ZNF536: variants seen among roughly 807,000 people sequenced by gnomAD.
ZNF536 encodes zinc finger protein 536.
ZNF536 carries 13 observed loss-of-function variants against 84.5 expected under a neutral mutation model. The observed-to-expected ratio is 0.15, with a 90% CI of 0.10 to 0.24. The LOEUF (loss-of-function observed/expected upper bound fraction) is 0.24, where lower values mean the gene tolerates loss of function less well. Among genes scored for constraint, ZNF536 ranks in the 10% least tolerant of loss-of-function variants. The probability of loss-of-function intolerance (pLI) is 1.00; values close to 1 mark genes in which losing one functional copy is unlikely to be tolerated. For synonymous variants in ZNF536, 811 were observed against 742.5 expected (o/e 1.09, Z -1.50); for missense variants, 1,536 against 1,747.5 (o/e 0.88, Z 2.16).
chr19:30,236,003 C>T (rs2023466575), intron 1 of ZNF536, among the ~76,000 whole-genome samples: 1 of 152,254 alleles, frequency 6.6e-6, no homozygotes, highest in Non-Finnish European at 1.5e-5. Flanking sequence ...CTTTATTCCC[C>T]AACGTTTCCA....
chr19:30,323,347 C>T (rs1249822729), intron 2 of ZNF536, among the ~76,000 whole-genome samples: 2 of 152,214 alleles, frequency 1.3e-5, no homozygotes, highest in East Asian at 3.8e-4. Context: ...GGGCACTTAA[C>T]ACCAGTCCAG....
intron 1 of ZNF536, among the ~76,000 whole-genome samples, chr19:30,681,776 C>T (rs532742836): frequency 1.3e-5 from 2 of 152,186 alleles, no homozygotes; most frequent in Non-Finnish European, 2.9e-5. Context: ...CTCCAGTCCT[C>T]CAGGTCCAGT....
At chr19:30,699,890 TTGTACCACCA>T (rs2051825671) in intron 1 of ZNF536, among the ~76,000 whole-genome samples, 1 of 152,220 alleles carries the variant, frequency 6.6e-6, no homozygotes, top group Non-Finnish European at 1.5e-5. Context: ...CATGAACCTG[TTGTACCACCA>T]TACCCAGTGG....
At chr19:30,583,503 GGT>G (rs1372201085) in intron 1 of ZNF536, among the ~76,000 whole-genome samples, 3 of 152,142 alleles carry the variant, frequency 2.0e-5, no homozygotes, top group Non-Finnish European at 4.4e-5. Flanking sequence ...GTGTGCTTTT[GGT>G]GTGTGTGTAT....
intron 2 of ZNF536, among the ~76,000 whole-genome samples, chr19:30,315,849 G>C (rs1340920615): frequency 3.3e-5 from 5 of 152,082 alleles, no homozygotes; most frequent in Non-Finnish European, 7.3e-5. Flanking sequence ...ACATAAAATT[G>C]ACATTGAAGC....
intron 1 of ZNF536, among the ~76,000 whole-genome samples, chr19:30,630,985 C>T (rs2048866775): frequency 6.6e-6 from 1 of 152,202 alleles, no homozygotes; most frequent in African/African-American, 2.4e-5. Context: ...AGGCTCGCTC[C>T]TAGATCAAGC....
At chr19:30,413,024 A>G (rs1425248589) in intron 1 of ZNF536, among the ~76,000 whole-genome samples, 1 of 151,916 alleles carries the variant, frequency 6.6e-6, no homozygotes, top group Non-Finnish European at 1.5e-5. Flanking sequence ...GTTGTTCTGT[A>G]TTTTATCATT....
rs542008816 is a variant in ZNF536 at position 30,686,791 on chromosome 19, C to A, written c.170-23966C>A. ...GGCTCAGGCCAGCCCTCCCCCCACTCCCCCCATCCAGTAAATGCATCTTTG... is the reference window on the plus strand; with the variant it reads ...GGCTCAGGCCAGCCCTCCCCCCACTACCCCCATCCAGTAAATGCATCTTTG... On this transcript the variant is annotated intron_variant, in intron 1 of 1. Coordinates refer to the ZNF536 transcript ENST00000592773. Among the ~76,000 whole-genome samples, 80 of 152,218 alleles carry A rather than the reference C, an allele frequency of 5.3e-4. 1 individual carries two copies. The highest frequency in any genetic ancestry group is 1.8e-3 in the African/African-American group (74 of 41,528).
At chr19:30,656,265 T>A (rs1433735635) in intron 1 of ZNF536, among the ~76,000 whole-genome samples, 1 of 152,228 alleles carries the variant, frequency 6.6e-6, no homozygotes, top group Admixed American at 6.5e-5. Context: ...CTTTATATGA[T>A]GAATTTAATT....
intron 3 of ZNF536, among the ~76,000 whole-genome samples, chr19:30,353,337 C>T (rs1345969361): frequency 1.3e-5 from 2 of 152,004 alleles, no homozygotes; most frequent in South Asian, 2.1e-4. Flanking sequence ...CGTGTAATAT[C>T]GTAGGAGAAA....
intron 1 of ZNF536, among the ~76,000 whole-genome samples, chr19:30,255,160 T>C (rs188859912): frequency 6.6e-6 from 1 of 152,332 alleles, no homozygotes; most frequent in East Asian, 1.9e-4. Flanking sequence ...TCTGGATCTA[T>C]TCCCCCCCTT....
intron 1 of ZNF536, among the ~76,000 whole-genome samples, chr19:30,383,701 C>CTCTTTCTTTCTT (rs762457465): frequency 0.019 from 222 of 11,546 alleles, 12 homozygotes; most frequent in African/African-American, 0.056. Flanking sequence ...TCTTTTCTTT[C>CTCTTTCTTTCTT]TCTTTCTTTC....
chr19:30,360,545 G>A (rs1005767153), intron 3 of ZNF536, among the ~76,000 whole-genome samples: 5 of 152,240 alleles, frequency 3.3e-5, no homozygotes, highest in African/African-American at 1.2e-4. Context: ...AGAGATGGGA[G>A]TGTCTGACGC....
intron 2 of ZNF536, among the ~76,000 whole-genome samples, chr19:30,504,293 T>C (rs55655041): frequency 0.13 from 15,476 of 115,916 alleles, 957 homozygotes; most frequent in Non-Finnish European, 0.17. Context: ...CCTCCCTCCC[T>C]CCTTCCTTCC....
intron 1 of ZNF536, among the ~76,000 whole-genome samples, chr19:30,581,371 G>C (rs1402717159): frequency 6.6e-6 from 1 of 152,088 alleles, no homozygotes; most frequent in Non-Finnish European, 1.5e-5. Flanking sequence ...CAGCTACTCA[G>C]GTGGCTGAGG....
intron 1 of ZNF536, among the ~76,000 whole-genome samples, chr19:30,666,556 G>A (rs1200851112): frequency 6.6e-6 from 1 of 152,044 alleles, no homozygotes; most frequent in Non-Finnish European, 1.5e-5. Flanking sequence ...TAGGCTTTGA[G>A]AGGGGGCTTT....
At chr19:30,257,142 C>T (rs2024954311) in intron 1 of ZNF536, among the ~76,000 whole-genome samples, 1 of 152,216 alleles carries the variant, frequency 6.6e-6, no homozygotes. Context: ...TGAGACACTC[C>T]TGGCGCCTAT....
intron 1 of ZNF536, among the ~76,000 whole-genome samples, chr19:30,406,377 C>T (rs530941623): frequency 6.6e-6 from 1 of 152,158 alleles, no homozygotes; most frequent in African/African-American, 2.4e-5. Flanking sequence ...CTTAATTTGC[C>T]ATGGTCATGG....
In ZNF536 at chr19:30,444,540, C is replaced by G. The variant is rs536835285; in HGVS notation, c.978C>G (p.Ala326=). ...ISHVEKAHIT[A]ESAQGQGPNG... is the part of the protein sequence containing the mutation. Reference sequence around the variant, plus strand: ...ACGTGGAGAAGGCACACATCACGGCCGAGTCGGCCCAGGGCCAGGGCCCCA... The same window carrying G: ...ACGTGGAGAAGGCACACATCACGGCGGAGTCGGCCCAGGGCCAGGGCCCCA... Residue 326 remains alanine, a synonymous_variant, in exon 2 of 5, where the codon GCC becomes GCG. Coordinates refer to ENST00000355537, the MANE Select transcript of ZNF536 (RefSeq NM_014717.3). 22 of 1,613,270 alleles carry G rather than the reference C, an allele frequency of 1.4e-5. No homozygotes were observed. Among genetic ancestry groups the G allele is most frequent in the Non-Finnish European group, 1.4e-5 (16 of 1,179,904 alleles).
Sources: gnomAD v4.1 joint callset for allele counts (sites outside exome capture counted in the v4.1 genomes callset) on GRCh38, gnomAD v4.1.1 for gene constraint, MANE v1.5 for transcripts, NCBI Gene and HGNC (gene_info 2026-07-23, HGNC 2026-07-21) for gene names.